Variants in HUWE1 observed in about 807,000 individuals in gnomAD.
The protein encoded by HUWE1 is HECT, UBA and WWE domain containing E3 ubiquitin protein ligase 1.
HUWE1 carries 18 observed loss-of-function variants against 299.4 expected under a neutral mutation model. That is an observed-to-expected ratio of 0.06 (90% CI 0.04 to 0.09). The LOEUF (loss-of-function observed/expected upper bound fraction) is 0.09, where lower values mean the gene tolerates loss of function less well. Ranked by LOEUF, HUWE1 falls within the 10% of genes least tolerant of loss-of-function variation. The pLI, the probability that HUWE1 is intolerant of heterozygous loss-of-function variation, is 1.00. For missense variants in HUWE1, 1,832 were observed against 3,462.3 expected, an observed-to-expected ratio of 0.53 and a Z score of 11.82; for synonymous variants, 1,317 against 1,286.1, an observed-to-expected ratio of 1.02 and a Z score of -0.51.
chrX:53,599,968 C>T (rs1427329426), intron 29 of HUWE1, 150 bp downstream of exon 29: 4 of 516,659 alleles, frequency 7.7e-6, no homozygotes, highest in Non-Finnish European at 1.0e-5. Context: ...AAGCCTGTCA[C>T]ATAGCAGCCA....
chrX:53,539,548 A>G, intron 75 of HUWE1, 109 bp downstream of exon 75: 1 of 736,296 alleles, frequency 1.4e-6, no homozygotes, highest in Non-Finnish European at 2.1e-6. Context: ...TTCTCATTAC[A>G]GAGACACTGA....
At chrX:53,617,280 A>C (rs113913556) in intron 20 of HUWE1, 60 bp downstream of exon 20, 32 of 985,531 alleles carry the variant, frequency 3.2e-5, no homozygotes, top group African/African-American at 1.9e-4. Flanking sequence ...CACTACACAC[A>C]GAAGAGATAG....
At chrX:53,645,735 AAATATATATATATAT>A (rs1313525595) in intron 6 of HUWE1, among the ~76,000 whole-genome samples, 340 of 26,148 alleles carry the variant, frequency 0.013, 20 homozygotes, top group East Asian at 0.063. Flanking sequence ...AAAAAAAAAA[AAATATATATATATAT>A]ATATATATAT....
Position 53,604,653 on chromosome X carries a change from A to G in HUWE1, c.2678T>C (p.Leu893Pro). ...GGCATGGGCAGCAGTGAGTGCATGC[A>G]GCAGAGGTGTGGCCTGGGCTGAGAG... ...ATLSAQATPL[L>P]HALTAAHAYI... The change falls in exon 26 of 84, where the codon CTG (leucine) becomes CCG (proline). Residue 893 changes from leucine (L) to proline (P), a missense_variant. Coordinates refer to ENST00000262854, the MANE Select transcript of HUWE1 (RefSeq NM_031407.7). 1 of 1,210,577 alleles carries G rather than the reference A, an allele frequency of 8.3e-7. No homozygotes were observed. The highest frequency in any genetic ancestry group is 1.1e-6 in the Non-Finnish European group (1 of 894,163).
intron 51 of HUWE1, 80 bp downstream of exon 51, chrX:53,564,489 CTAAAG>C: frequency 3.7e-6 from 4 of 1,085,015 alleles, no homozygotes; most frequent in Non-Finnish European, 5.0e-6. Flanking sequence ...AGGCAAGGAT[CTAAAG>C]TACTCACCCA....
rs2062308058 is a variant in HUWE1, at chrX:53,561,804, G to A, written c.7459C>T (p.Arg2487Trp). The A allele has an allele frequency of 8.3e-7, 1 of 1,210,980 alleles. No homozygotes were observed. Among genetic ancestry groups the A allele is most frequent in the Non-Finnish European group, 1.1e-6 (1 of 895,131 alleles). The stretch of plus-strand genomic sequence containing the variant: ...AACTCAATGATGAGATCATCCTCCC[G>A]GTCAAAGCGCTCAAATCGGACCAAG... ...SPLVRFERFD[R>W]EDDLIIEFDN... is the part of the protein sequence containing the mutation. Residue 2487 changes from arginine (R) to tryptophan (W), a missense_variant, in exon 55 of 84, where the codon CGG (arginine) becomes TGG (tryptophan). Transcript: ENST00000262854.
At chrX:53,563,526 C>A (rs934913682) in intron 52 of HUWE1, among the ~76,000 whole-genome samples, 9 of 111,172 alleles carry the variant, frequency 8.1e-5, no homozygotes, top group Non-Finnish European at 1.9e-5. Context: ...AATGGCCACT[C>A]CCACCACCTC....
intron 43 of HUWE1, among the ~76,000 whole-genome samples, chrX:53,579,378 T>C (rs1335141963): frequency 3.0e-5 from 3 of 100,029 alleles, no homozygotes; most frequent in Non-Finnish European, 4.1e-5. Flanking sequence ...TGAGGGGCAC[T>C]TCTGCCCGGC....
intron 75 of HUWE1, 77 bp downstream of exon 75, chrX:53,539,580 G>C: frequency 9.6e-7 from 1 of 1,039,775 alleles, no homozygotes; most frequent in Non-Finnish European, 1.4e-6. Flanking sequence ...AACCTGGAAG[G>C]AAGAAAAACA....
chrX:53,560,805 GTAACTCTT>G (rs2062249490), intron 55 of HUWE1, among the ~76,000 whole-genome samples: 1 of 111,617 alleles, frequency 9.0e-6, no homozygotes, highest in Non-Finnish European at 1.9e-5. Flanking sequence ...ATTGGGTTAG[GTAACTCTT>G]TACCTCTGTG....
chrX:53,542,380 A>T (rs1284437275), intron 74 of HUWE1, 63 bp downstream of exon 74: 1 of 738,556 alleles, frequency 1.4e-6, no homozygotes, highest in Non-Finnish European at 2.1e-6. Context: ...CAGGGGATTC[A>T]GCAGACATTC....
chrX:53,674,968 TA>T (rs2069743126), intron 3 of HUWE1, among the ~76,000 whole-genome samples: 1 of 112,147 alleles, frequency 8.9e-6, no homozygotes, highest in Non-Finnish European at 1.9e-5. Flanking sequence ...TACAAGCATT[TA>T]AAAATACATC....
At chrX:53,604,350 C>A (rs2065046193) in intron 26 of HUWE1, among the ~76,000 whole-genome samples, 1 of 111,706 alleles carries the variant, frequency 9.0e-6, no homozygotes, top group South Asian at 3.7e-4. Context: ...GATGAATACC[C>A]AATTGATGTT....
intron 43 of HUWE1, among the ~76,000 whole-genome samples, 155 bp downstream of exon 43, chrX:53,580,676 C>G (rs147023369): frequency 8.9e-6 from 1 of 112,269 alleles, no homozygotes; most frequent in Admixed American, 9.4e-5. Flanking sequence ...TACTGAAGTA[C>G]CTAATAAATT....
chrX:53,653,460 A>G (rs1557041357), intron 4 of HUWE1, among the ~76,000 whole-genome samples: 1 of 111,508 alleles, frequency 9.0e-6, no homozygotes, highest in Non-Finnish European at 1.9e-5. Context: ...AGGGGTCAAC[A>G]GGACTATCAC....
In HUWE1 at chrX:53,600,246, A is replaced by G. The variant is rs1569482593; in HGVS notation, c.3035T>C (p.Ile1012Thr). 1 of 1,209,153 alleles carries G rather than the reference A, an allele frequency of 8.3e-7. No individual in the cohort carries two copies. The highest frequency in any genetic ancestry group is 2.3e-4 in the Middle Eastern group (1 of 4,332). Residue 1012 changes from isoleucine to threonine, a missense_variant, in exon 29 of 84, where the codon ATT (isoleucine) becomes ACT (threonine). By Grantham distance (89) the Ile-to-Thr change is moderately conservative. Around this residue, in one of 15 missense-constraint regions of HUWE1, gnomAD observed 658 missense variants for 1,282.6 expected, o/e 0.51. Coordinates refer to ENST00000262854, the MANE Select transcript of HUWE1 (RefSeq NM_031407.7). The part of the protein sequence containing the change: ...DASTQGLLEG[I>T]GLDGDTLAPM... ...AGCCAATGTGTCACCATCTAGCCCA[A>G]TGCCTTCTAATAAGCCCTGGGTAGA...
rs371300686 is a variant in HUWE1, at chrX:53,645,480, G to A, written c.352-17C>T. ...TGTCAAATGCTAAAGGGACAAAAAA[G>A]GGCAAAGCTCAAGGTATCAGGCACA... On this transcript the variant is annotated splice_polypyrimidine_tract_variant and intron_variant, in intron 6 of 83. Transcript: ENST00000262854. 2 of 1,204,453 alleles carry A rather than the reference G, an allele frequency of 1.7e-6. No homozygotes were observed. The highest frequency in any genetic ancestry group is 3.0e-5 in the East Asian group (1 of 33,591).
At chrX:53,613,947 A>C (rs1449119643) in intron 23 of HUWE1, among the ~76,000 whole-genome samples, 1 of 112,144 alleles carries the variant, frequency 8.9e-6, no homozygotes, top group Non-Finnish European at 1.9e-5. Context: ...ATTCTGATTC[A>C]ATTTCATCAA....
At chrX:53,617,722 G>A (rs782406440) in intron 19 of HUWE1, among the ~76,000 whole-genome samples, 1 of 111,521 alleles carries the variant, frequency 9.0e-6, no homozygotes, top group Admixed American at 9.5e-5. Flanking sequence ...CTGTCATACC[G>A]TATAATGTCC....
Sources: gnomAD v4.1 joint callset for allele counts (sites outside exome capture counted in the v4.1 genomes callset) on GRCh38, gnomAD v4.1.1 for gene constraint, gnomAD v4.1.1 regional missense constraint, MANE v1.5 for transcripts, NCBI Gene and HGNC (gene_info 2026-07-23, HGNC 2026-07-21) for gene names.